The following MGAT4C variants were observed in gnomAD, a reference collection of about 807,000 sequenced individuals.
The protein encoded by MGAT4C is alpha-1,3-mannosyl-glycoprotein 4-beta-N-acetylglucosaminyltransferase C.
A neutral mutation model predicts 40.1 loss-of-function variants in MGAT4C; 19 were observed. The observed-to-expected ratio is 0.47, with a 90% CI of 0.33 to 0.70. MGAT4C has a LOEUF of 0.70. Among genes scored for constraint, MGAT4C ranks in the 30% least tolerant of loss-of-function variants. MGAT4C has a pLI of 0.02. For missense variants in MGAT4C, 491 were observed against 563.2 expected (o/e 0.87, Z 1.30); for synonymous variants, 181 against 187.1 (o/e 0.97, Z 0.27).
chr12:86,326,734 A>G (rs1954537062), intron 4 of MGAT4C, among the ~76,000 whole-genome samples: 1 of 152,146 alleles, frequency 6.6e-6, no homozygotes. Context: ...GTCAGTGTGT[A>G]TCGTACCATT....
rs936968017 is a variant in MGAT4C at position 85,970,693 on chromosome 12, C to G, written c.*8596G>C. On this transcript the variant is annotated 3_prime_UTR_variant, in exon 5 of 5. Transcript: ENST00000611864. Reference sequence around the variant, plus strand: ...CTATTACAAATTCACAGTGCTTGTACAATTCAGATATTATTTTGCTTTGAA... The same window carrying G: ...CTATTACAAATTCACAGTGCTTGTAGAATTCAGATATTATTTTGCTTTGAA... 1 of 151,130 alleles carries G rather than the reference C, an allele frequency of 6.6e-6. No homozygotes were observed. Among genetic ancestry groups the G allele is most frequent in the African/African-American group, 2.4e-5 (1 of 41,330 alleles). 9.4% of individuals were successfully genotyped at this position (151,130 alleles called of 1,614,324 possible). A position where few individuals can be genotyped will look rare whatever the true frequency, so the allele number is the denominator to read the frequency against.
chr12:86,167,801 C>A (rs945487185), intron 1 of MGAT4C, among the ~76,000 whole-genome samples: 1 of 152,184 alleles, frequency 6.6e-6, no homozygotes. Flanking sequence ...AATTTCAACA[C>A]ATGAACTTTG....
At chr12:86,002,973 A>C (rs1233934056) in intron 2 of MGAT4C, among the ~76,000 whole-genome samples, 1 of 151,838 alleles carries the variant, frequency 6.6e-6, no homozygotes, top group East Asian at 1.9e-4. Flanking sequence ...GCTAATTTTC[A>C]ATTTTTGTTT....
chr12:86,618,359 C>A (rs1481683479), intron 2 of MGAT4C, among the ~76,000 whole-genome samples: 1 of 152,086 alleles, frequency 6.6e-6, no homozygotes, highest in Non-Finnish European at 1.5e-5. Flanking sequence ...ATCAGTATAT[C>A]AGAAGGATAC....
chr12:86,766,642 A>C (rs1238896348), intron 1 of MGAT4C, among the ~76,000 whole-genome samples: 11 of 151,378 alleles, frequency 7.3e-5, no homozygotes, highest in East Asian at 1.9e-4. Flanking sequence ...AGCAAATGTA[A>C]AAGAACAGAA....
intron 2 of MGAT4C, among the ~76,000 whole-genome samples, chr12:86,665,000 A>T (rs1964068462): frequency 6.6e-6 from 1 of 152,126 alleles, no homozygotes; most frequent in Non-Finnish European, 1.5e-5. Flanking sequence ...CATTGAAGCA[A>T]TGTAAGTTGC....
intron 4 of MGAT4C, among the ~76,000 whole-genome samples, chr12:86,303,859 A>G (rs547325813): frequency 6.6e-5 from 10 of 150,476 alleles, no homozygotes; most frequent in East Asian, 1.9e-4. Flanking sequence ...GTGAAAGCCA[A>G]TGTCTTTCTC....
At chr12:85,983,815 T>C (rs1311481614) in intron 3 of MGAT4C, 145 bp from the exon 4 acceptor site, 6 of 609,016 alleles carry the variant, frequency 9.9e-6, no homozygotes, top group Non-Finnish European at 5.0e-6. Flanking sequence ...CGTCATAAGC[T>C]GTAGCTCATC....
At chr12:86,695,729 G>A (rs554663261) in intron 2 of MGAT4C, among the ~76,000 whole-genome samples, 2 of 151,996 alleles carry the variant, frequency 1.3e-5, no homozygotes, top group African/African-American at 2.4e-5. Context: ...CAAAACAATC[G>A]AACTCATCGA....
intron 1 of MGAT4C, among the ~76,000 whole-genome samples, chr12:86,105,123 G>C (rs998303507): frequency 6.6e-6 from 1 of 152,040 alleles, no homozygotes; most frequent in African/African-American, 2.4e-5. Context: ...CAAGGCAAAT[G>C]GTAAAATTAC....
At chr12:86,381,278 A>C (rs1156579988) in intron 3 of MGAT4C, among the ~76,000 whole-genome samples, 1 of 152,232 alleles carries the variant, frequency 6.6e-6, no homozygotes, top group Non-Finnish European at 1.5e-5. Context: ...TGGGATCTCA[A>C]GATCACAAAT....
chr12:86,409,932 A>G (rs918752174), intron 3 of MGAT4C, among the ~76,000 whole-genome samples: 1 of 152,272 alleles, frequency 6.6e-6, no homozygotes, highest in East Asian at 1.9e-4. Context: ...CAGGGGTGAC[A>G]TCTCATATCA....
chr12:85,964,235 C>G lies in MGAT4C; in HGVS notation c.*15054G>C, dbSNP rs1429449963. The G allele has an allele frequency of 3.9e-5, 6 of 151,970 alleles. No individual in the cohort carries two copies. The highest frequency in any genetic ancestry group is 1.4e-4 in the African/African-American group (6 of 41,406). The allele number at this position is 151,970 out of a possible 1,614,324, so 9.4% of individuals were successfully genotyped here. A position where few individuals can be genotyped will look rare whatever the true frequency, so the allele number is the denominator to read the frequency against. On this transcript the variant is annotated 3_prime_UTR_variant, in exon 5 of 5. Coordinates refer to ENST00000611864, the MANE Select transcript of MGAT4C (RefSeq NM_001351288.2). The stretch of plus-strand genomic sequence containing the variant: ...ATATTCTTTTCATCTGTGGTTACTG[C>G]TAAAAAATTCTTTCATAGAAATTCT...
intron 1 of MGAT4C, among the ~76,000 whole-genome samples, chr12:86,077,232 A>G (rs935131346): frequency 3.9e-5 from 6 of 152,294 alleles, no homozygotes; most frequent in African/African-American, 1.4e-4. Flanking sequence ...ACCCATACAC[A>G]TCTCCTGAGA....
chr12:86,146,418 T>C lies in MGAT4C; in HGVS notation c.-56-96695A>G, dbSNP rs969505406. On this transcript the variant is annotated intron_variant, in intron 1 of 4. Coordinates refer to ENST00000611864, the MANE Select transcript of MGAT4C (RefSeq NM_001351288.2). ...AAGATGAGATACAGTTTTCTTCTTTTCTTTTTTACATTAGTCCTCCTGCTT... is the reference window on the plus strand; with the variant it reads ...AAGATGAGATACAGTTTTCTTCTTTCCTTTTTTACATTAGTCCTCCTGCTT... Among the ~76,000 whole-genome samples, 58 of 152,210 alleles carry C rather than the reference T, an allele frequency of 3.8e-4. 2 individuals are homozygous for C. Among genetic ancestry groups the C allele is most frequent in the Admixed American group, 6.5e-5 (1 of 15,284 alleles).
chr12:86,123,014 A>G (rs199620953), intron 1 of MGAT4C, among the ~76,000 whole-genome samples: 2 of 152,258 alleles, frequency 1.3e-5, no homozygotes, highest in East Asian at 3.9e-4. Flanking sequence ...GTATCTAGAC[A>G]AGCCAGTATT....
chr12:86,122,723 C>T (rs1038813149), intron 1 of MGAT4C, among the ~76,000 whole-genome samples: 5 of 151,922 alleles, frequency 3.3e-5, no homozygotes, highest in African/African-American at 1.2e-4. Context: ...ATCAACAAAA[C>T]AATAAGCAGA....
chr12:86,059,424 G>A (rs1276061549), intron 1 of MGAT4C, among the ~76,000 whole-genome samples: 2 of 151,958 alleles, frequency 1.3e-5, no homozygotes, highest in Admixed American at 1.3e-4. Flanking sequence ...TTATCCCTTC[G>A]TTGTTTTCTT....
chr12:86,800,727 C>G (rs1297669214), intron 1 of MGAT4C, among the ~76,000 whole-genome samples: 1 of 151,794 alleles, frequency 6.6e-6, no homozygotes, highest in African/African-American at 2.4e-5. Flanking sequence ...TAAGAGAAAA[C>G]AAATTAGAAC....
Sources: gnomAD v4.1 joint callset for allele counts (sites outside exome capture counted in the v4.1 genomes callset) on GRCh38, gnomAD v4.1.1 for gene constraint, MANE v1.5 for transcripts, NCBI Gene and HGNC (gene_info 2026-07-23, HGNC 2026-07-21) for gene names.